The following CNTN5 variants were observed in gnomAD, a reference collection of about 807,000 sequenced individuals.
CNTN5 encodes contactin 5, also known as contactin-5.
In CNTN5, 77 loss-of-function variants were observed where a neutral mutation model predicts 129.1. The observed-to-expected ratio is 0.60, with a 90% CI of 0.50 to 0.72. The LOEUF (loss-of-function observed/expected upper bound fraction) is 0.72. Ranked by LOEUF, CNTN5 falls within the 30% of genes least tolerant of loss-of-function variation. The probability of loss-of-function intolerance (pLI) is 0.00; values close to 1 mark genes in which losing one functional copy is unlikely to be tolerated. For synonymous variants in CNTN5, 509 were observed against 465.6 expected, an observed-to-expected ratio of 1.09 and a Z score of -1.20; for missense variants, 1,478 against 1,328.8, an observed-to-expected ratio of 1.11 and a Z score of -1.75.
At chr11:100,223,602 A>G (rs1949313236) in intron 15 of CNTN5, among the ~76,000 whole-genome samples, 1 of 152,140 alleles carries the variant, frequency 6.6e-6, no homozygotes, top group South Asian at 2.1e-4. Context: ...ATCACTTTTT[A>G]AAGGTCTGTA....
chr11:100,005,386 CTCACTCTA>C (rs1428417153), intron 9 of CNTN5, among the ~76,000 whole-genome samples: 1 of 151,924 alleles, frequency 6.6e-6, no homozygotes, highest in African/African-American at 2.4e-5. Flanking sequence ...CTATTCTTGC[CTCACTCTA>C]TCATTTATCT....
chr11:100,266,246 G>C (rs566713304), intron 17 of CNTN5, among the ~76,000 whole-genome samples: 1 of 152,132 alleles, frequency 6.6e-6, no homozygotes, highest in East Asian at 1.9e-4. Context: ...AGTCTTAGAT[G>C]TGATTCTTTT....
In CNTN5 at chr11:99,172,637, G is replaced by A. The variant is rs78765873; in HGVS notation, c.-210+151367G>A. Among the ~76,000 whole-genome samples, 1,107 of 152,246 alleles carry A rather than the reference G, an allele frequency of 7.3e-3. 11 individuals are homozygous for A. The highest frequency in any genetic ancestry group is 0.011 in the Non-Finnish European group (737 of 68,008). Reference sequence around the variant, plus strand: ...TAGGTAAGTTTTGTGAAGTAACCAAGTAGAGAATAAAATATTAATTAAATA... The same window carrying A: ...TAGGTAAGTTTTGTGAAGTAACCAAATAGAGAATAAAATATTAATTAAATA... On this transcript the variant is annotated intron_variant, in intron 1 of 24. Coordinates refer to ENST00000524871, the MANE Select transcript of CNTN5 (RefSeq NM_014361.4).
At position 99,197,004 on chromosome 11, in the gene CNTN5, G is replaced by A. The variant is rs189157205; in HGVS notation, c.-209-128342G>A. The stretch of plus-strand genomic sequence containing the variant: ...GCTAAAACATCATGGGAATCATGAG[G>A]GACATTGACTTAGAGAATAAATCTG... On this transcript the variant is annotated intron_variant, in intron 1 of 24. Coordinates refer to ENST00000524871, the MANE Select transcript of CNTN5 (RefSeq NM_014361.4). Among the ~76,000 whole-genome samples the A allele has an allele frequency of 5.7e-4, 87 of 151,818 alleles. 1 individual carries two copies. In the East Asian group the frequency reaches 0.016, roughly 29 times the overall value.
intron 1 of CNTN5, among the ~76,000 whole-genome samples, chr11:99,089,482 G>A (rs12270478): frequency 0.044 from 6,619 of 152,132 alleles, 461 homozygotes; most frequent in African/African-American, 0.15. Flanking sequence ...GTGTTTTCAC[G>A]ACTTGCCTAG....
chr11:99,110,227 A>G (rs1034748258), intron 1 of CNTN5, among the ~76,000 whole-genome samples: 1 of 152,144 alleles, frequency 6.6e-6, no homozygotes, highest in South Asian at 2.1e-4. Flanking sequence ...ATATAAAGAC[A>G]GAGAGAAAAG....
chr11:99,155,055 C>T (rs1041923679), intron 1 of CNTN5, among the ~76,000 whole-genome samples: 1 of 152,084 alleles, frequency 6.6e-6, no homozygotes, highest in African/African-American at 2.4e-5. Context: ...GTTGTGGGGT[C>T]TCCTGCTACC....
intron 3 of CNTN5, among the ~76,000 whole-genome samples, chr11:99,772,260 A>G (rs557056983): frequency 1.3e-5 from 2 of 152,106 alleles, no homozygotes; most frequent in Non-Finnish European, 2.9e-5. Flanking sequence ...CAAGATTAAT[A>G]TAGTGTAGTC....
At chr11:100,048,035 G>T (rs1330950588) in intron 9 of CNTN5, among the ~76,000 whole-genome samples, 1 of 152,146 alleles carries the variant, frequency 6.6e-6, no homozygotes, top group African/African-American at 2.4e-5. Flanking sequence ...GGGTGCTGAG[G>T]CAGGAGAATG....
At chr11:99,724,965 C>T (rs968098101) in intron 3 of CNTN5, among the ~76,000 whole-genome samples, 11 of 152,080 alleles carry the variant, frequency 7.2e-5, no homozygotes, top group Non-Finnish European at 1.2e-4. Flanking sequence ...AGATTTTTTG[C>T]GCCAATGCTA....
At chr11:99,700,313 G>C (rs1954463788) in intron 3 of CNTN5, among the ~76,000 whole-genome samples, 1 of 151,368 alleles carries the variant, frequency 6.6e-6, no homozygotes, top group East Asian at 1.9e-4. Context: ...CACACAACTT[G>C]ATAGTGAAAA....
rs146906220 is a variant in CNTN5 at position 99,992,689 on chromosome 11, C to A, written c.878-9345C>A. Among the ~76,000 whole-genome samples the A allele has an allele frequency of 3.9e-5, 6 of 152,216 alleles. No homozygotes were observed. In the East Asian group the frequency reaches 1.2e-3, roughly 29 times the overall value. ...TTTTGGCTCTCTGTTCTGTAAGGTG[C>A]TTGGAGAAACACTGCTCTAAATTAC... On this transcript the variant is annotated intron_variant, in intron 8 of 24. Coordinates refer to ENST00000524871, the MANE Select transcript of CNTN5 (RefSeq NM_014361.4).
At chr11:99,199,415 A>T (rs1859057447) in intron 1 of CNTN5, among the ~76,000 whole-genome samples, 1 of 152,238 alleles carries the variant, frequency 6.6e-6, no homozygotes, top group Non-Finnish European at 1.5e-5. Context: ...AATAGCTTAT[A>T]TATCAGTTAC....
At position 99,407,175 on chromosome 11, in the gene CNTN5, C is replaced by T. The variant is rs180723474; in HGVS notation, c.-71+81691C>T. Among the ~76,000 whole-genome samples, 310 of 152,046 alleles carry T rather than the reference C, an allele frequency of 2.0e-3. 3 individuals carry two copies. The highest frequency in any genetic ancestry group is 3.9e-3 in the Admixed American group (59 of 15,280). ...GAATGTGCTGATTCCCATCTGAAAC[C>T]GGCAAATCTCAGAGTCTCATGAAAA... On this transcript the variant is annotated intron_variant, in intron 2 of 24. Transcript: ENST00000524871.
intron 1 of CNTN5, among the ~76,000 whole-genome samples, chr11:99,188,894 A>G (rs1487303775): frequency 6.6e-6 from 1 of 151,782 alleles, no homozygotes; most frequent in Non-Finnish European, 1.5e-5. Flanking sequence ...TTTCAAGAAT[A>G]TAATACATTT....
intron 2 of CNTN5, among the ~76,000 whole-genome samples, chr11:99,491,195 G>A (rs770646188): frequency 2.0e-5 from 3 of 152,226 alleles, no homozygotes; most frequent in Non-Finnish European, 4.4e-5. Context: ...TATTTGTTAG[G>A]CCGTGTTGGC....
At chr11:99,788,337 T>C (rs1192285156) in intron 3 of CNTN5, among the ~76,000 whole-genome samples, 18 of 151,892 alleles carry the variant, frequency 1.2e-4, no homozygotes, top group Non-Finnish European at 1.5e-4. Flanking sequence ...TTTCAAAAAA[T>C]TGAAGTTAAA....
intron 4 of CNTN5, among the ~76,000 whole-genome samples, chr11:99,839,203 C>T (rs766253313): frequency 2.0e-5 from 3 of 152,054 alleles, no homozygotes; most frequent in African/African-American, 4.8e-5. Flanking sequence ...AAGAAATATC[C>T]GACAATTGCC....
chr11:99,319,149 G>A, intron 1 of CNTN5, among the ~76,000 whole-genome samples: 1 of 152,116 alleles, frequency 6.6e-6, no homozygotes, highest in Non-Finnish European at 1.5e-5. Flanking sequence ...AAGCTTAAAT[G>A]GGTTAATATA....
Sources: gnomAD v4.1 joint callset for allele counts (sites outside exome capture counted in the v4.1 genomes callset) on GRCh38, gnomAD v4.1.1 for gene constraint, MANE v1.5 for transcripts, NCBI Gene and HGNC (gene_info 2026-07-23, HGNC 2026-07-21) for gene names.